The following TRIP12 variants were observed in gnomAD, a reference collection of about 807,000 sequenced individuals.
The protein encoded by TRIP12 is E3 ubiquitin-protein ligase TRIP12.
In TRIP12, 25 loss-of-function variants were observed where a neutral mutation model predicts 244.2. That is an observed-to-expected ratio of 0.10 (90% CI 0.07 to 0.14). TRIP12 has a LOEUF of 0.14. TRIP12 is among the 10% of genes least tolerant of loss of function. The pLI is 1.00. For missense variants in TRIP12, 1,677 were observed against 2,486.4 expected, an observed-to-expected ratio of 0.67 and a Z score of 6.92; for synonymous variants, 905 against 873.1, an observed-to-expected ratio of 1.04 and a Z score of -0.64.
intron 4 of TRIP12, among the ~76,000 whole-genome samples, chr2:229,843,971 T>G (rs75747952): frequency 6.6e-6 from 1 of 151,650 alleles, no homozygotes; most frequent in African/African-American, 2.4e-5. Flanking sequence ...AAAAAAAAAC[T>G]GATTTATTCA....
At chr2:229,919,411 C>T (rs2076087150) in intron 1 of TRIP12, among the ~76,000 whole-genome samples, 1 of 137,416 alleles carries the variant, frequency 7.3e-6, no homozygotes, top group Non-Finnish European at 1.7e-5. Context: ...CAAGATTCTG[C>T]TTTAAAAAAA....
intron 31 of TRIP12, 70 bp downstream of exon 31, chr2:229,789,541 A>G (rs2040909467): frequency 6.5e-7 from 1 of 1,547,344 alleles, no homozygotes; most frequent in Non-Finnish European, 8.7e-7. Flanking sequence ...CACTGTTTCC[A>G]TTTCTAGTGC....
At position 229,787,256 on chromosome 2, in the gene TRIP12, G is replaced by A. The variant is rs567676667; in HGVS notation, c.4995+249C>T. Among the ~76,000 whole-genome samples, 8 of 152,126 alleles carry A rather than the reference G, an allele frequency of 5.3e-5. No homozygotes were observed. In the South Asian group the frequency reaches 6.2e-4, roughly 12 times the overall value. ...GATTCTTTCTTGGTCTAAGAGTTACGGCAACTAAAAGAGAAAAGAGAATTG... is the reference window on the plus strand; with the variant it reads ...GATTCTTTCTTGGTCTAAGAGTTACAGCAACTAAAAGAGAAAAGAGAATTG... On this transcript the variant is annotated intron_variant, in intron 33 of 41. Transcript: ENST00000675903.
Position 229,777,552 on chromosome 2 carries a change from A to G in TRIP12, c.5365-73T>C, listed in dbSNP as rs1016726424. 7 of 1,475,018 alleles carry G rather than the reference A, an allele frequency of 4.7e-6. No individual in the cohort carries two copies. The Admixed American group carries it at 7.1e-5, about 15-fold the overall frequency. 91.4% of individuals were successfully genotyped at this position (1,475,018 alleles called of 1,614,324 possible). A position where few individuals can be genotyped will look rare whatever the true frequency, so the allele number is the denominator to read the frequency against. ...GCATTACCTCCATCTAAGGCACTTC[A>G]GGAGATCATTTAAATATTAATAGGT... On this transcript the variant is annotated intron_variant, in intron 36 of 41. Transcript: ENST00000675903.
At chr2:229,842,694 T>C (rs547456015) in intron 4 of TRIP12, among the ~76,000 whole-genome samples, 2 of 139,954 alleles carry the variant, frequency 1.4e-5, no homozygotes, top group East Asian at 4.7e-4. Context: ...ATACATACCA[T>C]GATACAGTAA....
At chr2:229,774,829 TAAA>T (rs759853277) in intron 37 of TRIP12, among the ~76,000 whole-genome samples, 1 of 133,048 alleles carries the variant, frequency 7.5e-6, no homozygotes. Context: ...CACTGTGATC[TAAA>T]AAAAAAAAAA....
intron 30 of TRIP12, among the ~76,000 whole-genome samples, chr2:229,790,620 T>G (rs982697412): frequency 1.3e-5 from 2 of 151,746 alleles, no homozygotes; most frequent in Non-Finnish European, 2.9e-5. Flanking sequence ...AGGGAAGACG[T>G]GGGGGAAGAG....
At chr2:229,869,634 T>A (rs970889888) in intron 2 of TRIP12, among the ~76,000 whole-genome samples, 1 of 152,146 alleles carries the variant, frequency 6.6e-6, no homozygotes, top group African/African-American at 2.4e-5. Context: ...ATAACTACTA[T>A]AGAGCACGGT....
At chr2:229,904,066 T>G (rs998721123) in intron 1 of TRIP12, among the ~76,000 whole-genome samples, 1 of 151,738 alleles carries the variant, frequency 6.6e-6, no homozygotes, top group Non-Finnish European at 1.5e-5. Flanking sequence ...AATTAACTTT[T>G]TAAAAAAGCA....
intron 15 of TRIP12, among the ~76,000 whole-genome samples, chr2:229,810,544 A>G (rs2047012280): frequency 6.6e-6 from 1 of 152,240 alleles, no homozygotes; most frequent in Non-Finnish European, 1.5e-5. Context: ...AGCAACCTAT[A>G]TAAGCTGAAG....
At chr2:229,825,989 T>C (rs2051455106) in intron 8 of TRIP12, among the ~76,000 whole-genome samples, 1 of 152,078 alleles carries the variant, frequency 6.6e-6, no homozygotes, top group Admixed American at 6.5e-5. Flanking sequence ...AACAAACATG[T>C]TAAAAAGCAA....
chr2:229,791,077 A>G, intron 30 of TRIP12, 47 bp downstream of exon 30: 2 of 1,603,188 alleles, frequency 1.2e-6, no homozygotes, highest in South Asian at 1.1e-5. Flanking sequence ...GAAAATGGGA[A>G]GATTGCCCAG....
intron 1 of TRIP12, among the ~76,000 whole-genome samples, chr2:229,882,655 G>C (rs1407942272): frequency 1.3e-5 from 2 of 152,182 alleles, no homozygotes; most frequent in East Asian, 3.8e-4. Context: ...GGATGATACT[G>C]CTGCTCTCAC....
chr2:229,853,942 TAATA>T (rs1339327217), intron 4 of TRIP12, among the ~76,000 whole-genome samples: 1 of 151,882 alleles, frequency 6.6e-6, no homozygotes, highest in African/African-American at 2.4e-5. Flanking sequence ...GTACATGTAT[TAATA>T]TTGACATTTT....
Position 229,767,458 on chromosome 2 carries a change from G to C in TRIP12, c.*96C>G. The C allele has an allele frequency of 7.1e-7, 1 of 1,414,580 alleles. No individual in the cohort carries two copies. The highest frequency in any genetic ancestry group is 9.4e-7 in the Non-Finnish European group (1 of 1,065,126). The allele number at this position is 1,414,580 out of a possible 1,614,324, so 87.6% of individuals were successfully genotyped here. Reference sequence around the variant, plus strand: ...GCCGTTTTTCCTACAACAAGAAGGCGTAACATGTTTCCTTGACTCAGGTGA... The same window carrying C: ...GCCGTTTTTCCTACAACAAGAAGGCCTAACATGTTTCCTTGACTCAGGTGA... On this transcript the variant is annotated 3_prime_UTR_variant, in exon 42 of 42. Transcript: ENST00000675903.
chr2:229,868,861 T>C (rs560173043), intron 2 of TRIP12, among the ~76,000 whole-genome samples: 3 of 152,312 alleles, frequency 2.0e-5, no homozygotes, highest in African/African-American at 7.2e-5. Flanking sequence ...TCAAGAATAT[T>C]CTGTTTTTCC....
rs1033555828 is a variant in TRIP12, at chr2:229,769,339, T to C, written c.5809-14A>G. The C allele has an allele frequency of 1.2e-6, 2 of 1,612,234 alleles. No individual in the cohort carries two copies. Among genetic ancestry groups the C allele is most frequent in the Non-Finnish European group, 8.5e-7 (1 of 1,179,244 alleles). The stretch of plus-strand genomic sequence containing the variant: ...GAGCTGATCCAGCTGTGAGTTTAAA[T>C]AAGGGTAAAAAGAATTACTAAGGAA... On this transcript the variant is annotated splice_polypyrimidine_tract_variant and intron_variant, in intron 39 of 41. Transcript: ENST00000675903.
At chr2:229,909,325 C>G (rs1318785948) in intron 1 of TRIP12, among the ~76,000 whole-genome samples, 1 of 151,780 alleles carries the variant, frequency 6.6e-6, no homozygotes, top group Non-Finnish European at 1.5e-5. Flanking sequence ...GTGGAAGGAT[C>G]ACTTGAGCCT....
At chr2:229,788,971 C>T in intron 31 of TRIP12, 31 bp from the exon 32 acceptor site, 1 of 1,543,964 alleles carries the variant, frequency 6.5e-7, no homozygotes, top group Admixed American at 1.9e-5. Context: ...AAAAAGTCTA[C>T]ATGTAGTAAA....
Sources: gnomAD v4.1 joint callset for allele counts (sites outside exome capture counted in the v4.1 genomes callset) on GRCh38, gnomAD v4.1.1 for gene constraint, MANE v1.5 for transcripts, NCBI Gene and HGNC (gene_info 2026-07-23, HGNC 2026-07-21) for gene names.